SH3PXD2A: variants seen among roughly 807,000 people sequenced by gnomAD.
SH3PXD2A encodes SH3 and PX domains 2A, also known as SH3 and PX domain-containing protein 2A.
A neutral mutation model predicts 115.2 loss-of-function variants in SH3PXD2A; 32 were observed. The observed-to-expected ratio is 0.28, with a 90% CI of 0.21 to 0.37. The LOEUF (loss-of-function observed/expected upper bound fraction) is 0.37, where lower values mean the gene tolerates loss of function less well. Ranked by LOEUF, SH3PXD2A falls within the 10% of genes least tolerant of loss-of-function variation. SH3PXD2A has a pLI of 1.00. For synonymous variants in SH3PXD2A, 610 were observed against 629.1 expected (o/e 0.97, Z 0.45); for missense variants, 1,328 against 1,498.7 (o/e 0.89, Z 1.88).
At chr10:103,639,524 C>T (rs775305250) in intron 8 of SH3PXD2A, among the ~76,000 whole-genome samples, 8 of 149,316 alleles carry the variant, frequency 5.4e-5, no homozygotes, top group South Asian at 2.1e-4. Flanking sequence ...GCAGGAGAAT[C>T]GCTTGAACCT....
At chr10:103,735,510 G>C (rs2038369356) in intron 4 of SH3PXD2A, among the ~76,000 whole-genome samples, 1 of 152,222 alleles carries the variant, frequency 6.6e-6, no homozygotes, top group Non-Finnish European at 1.5e-5. Flanking sequence ...GATATGTCCT[G>C]ACAGGCACAG....
chr10:103,835,327 C>T (rs1469909845), intron 1 of SH3PXD2A, among the ~76,000 whole-genome samples: 4 of 152,252 alleles, frequency 2.6e-5, no homozygotes, highest in Non-Finnish European at 5.9e-5. Context: ...ACTCGGGTGG[C>T]CCCATTGCCT....
At chr10:103,656,326 C>T (rs2037211129) in intron 8 of SH3PXD2A, among the ~76,000 whole-genome samples, 1 of 152,232 alleles carries the variant, frequency 6.6e-6, no homozygotes, top group Non-Finnish European at 1.5e-5. Context: ...TTTGCCAATC[C>T]ATTGCTGGTG....
At chr10:103,736,601 G>A (rs999333414) in intron 3 of SH3PXD2A, among the ~76,000 whole-genome samples, 3 of 152,256 alleles carry the variant, frequency 2.0e-5, no homozygotes, top group African/African-American at 7.2e-5. Context: ...AATGTCTAGG[G>A]CCAAAGCCCC....
chr10:103,648,841 C>T (rs540967237), intron 8 of SH3PXD2A, among the ~76,000 whole-genome samples: 4 of 152,346 alleles, frequency 2.6e-5, no homozygotes, highest in South Asian at 2.1e-4. Context: ...CCCTCGCGTG[C>T]GTGTGCACAC....
At chr10:103,744,242 C>A (rs955962990) in intron 3 of SH3PXD2A, among the ~76,000 whole-genome samples, 4 of 151,882 alleles carry the variant, frequency 2.6e-5, no homozygotes, top group African/African-American at 7.3e-5. Context: ...CAACCTCCAC[C>A]TCCCGGGTTC....
chr10:103,603,242 T>A lies in SH3PXD2A; in HGVS notation c.1976A>T (p.Lys659Ile), dbSNP rs1477794207. Residue 659 changes from lysine (K) to isoleucine (I), a missense_variant, in exon 15 of 15, where the codon AAA becomes ATA. Physicochemically the swap from Lys to Ile is moderately radical, Grantham distance 102. Around this residue, in one of 5 missense-constraint regions of SH3PXD2A, gnomAD observed 574 missense variants for 565.7 expected, o/e 1.01. Coordinates refer to ENST00000369774, the MANE Select transcript of SH3PXD2A (RefSeq NM_001394015.1). ...SLSLTRKNSP[K>I]SGSPKSSSLL... ...TGATGATGACTTGGGGGAGCCTGAT[T>A]TGGGGGAGTTTTTCCTGGTCAGGGA... 3 of 1,613,934 alleles carry A rather than the reference T, an allele frequency of 1.9e-6. No individual in the cohort carries two copies. In the East Asian group the frequency reaches 6.7e-5, roughly 36 times the overall value.
At chr10:103,632,330 G>A (rs2036792957) in intron 8 of SH3PXD2A, among the ~76,000 whole-genome samples, 2 of 152,164 alleles carry the variant, frequency 1.3e-5, no homozygotes, top group African/African-American at 4.8e-5. Flanking sequence ...GAGCCCTTCT[G>A]GGGAGCTGAG....
intron 3 of SH3PXD2A, among the ~76,000 whole-genome samples, chr10:103,766,106 G>A (rs2038751722): frequency 6.6e-6 from 1 of 152,216 alleles, no homozygotes; most frequent in Non-Finnish European, 1.5e-5. Context: ...TTTCAGAGAG[G>A]AGCCGCTCTC....
At chr10:103,664,132 CCAACAG>C (rs1412539166) in intron 7 of SH3PXD2A, among the ~76,000 whole-genome samples, 4 of 152,184 alleles carry the variant, frequency 2.6e-5, no homozygotes. Flanking sequence ...GCCTCTGTGG[CCAACAG>C]CACTTCTTAA....
chr10:103,617,607 G>A (rs1476602558), intron 10 of SH3PXD2A, among the ~76,000 whole-genome samples: 1 of 152,206 alleles, frequency 6.6e-6, no homozygotes, highest in East Asian at 1.9e-4. Context: ...TGATAATGGC[G>A]GCCAGGCTGC....
chr10:103,817,818 C>A (rs2039339378), intron 1 of SH3PXD2A, among the ~76,000 whole-genome samples: 1 of 152,194 alleles, frequency 6.6e-6, no homozygotes, highest in South Asian at 2.1e-4. Context: ...CAGACACAAG[C>A]AACCACACAT....
rs1342501575 is a variant in SH3PXD2A, at chr10:103,603,762, A to AC, written c.1455dup (p.Trp486ValfsTer7). 1 of 1,609,844 alleles carries AC rather than the reference A, an allele frequency of 6.2e-7. No homozygotes were observed. The highest frequency in any genetic ancestry group is 8.5e-7 in the Non-Finnish European group (1 of 1,179,856). On this transcript the variant is annotated frameshift_variant, in exon 15 of 15. Transcript: ENST00000369774. LOFTEE classifies it high-confidence loss of function. Reference sequence around the variant, plus strand: ...TCCTTCTCACCGATCTGCACGTACCACCAGCCACCTGAGTTCTTATCAATG... The same window carrying AC: ...TCCTTCTCACCGATCTGCACGTACCACCCAGCCACCTGAGTTCTTATCAATG...
At chr10:103,722,035 GCT>G (rs1239306961) in intron 5 of SH3PXD2A, among the ~76,000 whole-genome samples, 2 of 151,808 alleles carry the variant, frequency 1.3e-5, no homozygotes, top group Non-Finnish European at 2.9e-5. Flanking sequence ...GGGCGCAGTT[GCT>G]TATGCCTATA....
intron 8 of SH3PXD2A, among the ~76,000 whole-genome samples, chr10:103,648,208 G>C (rs1314268766): frequency 6.6e-6 from 1 of 152,180 alleles, no homozygotes; most frequent in East Asian, 1.9e-4. Flanking sequence ...AAGAAGAAAT[G>C]GGGTAGTAAA....
At chr10:103,646,392 A>G (rs73333329) in intron 8 of SH3PXD2A, among the ~76,000 whole-genome samples, 2,994 of 152,260 alleles carry the variant, frequency 0.02, 96 homozygotes, top group African/African-American at 0.067. Flanking sequence ...CCTAGTCCAG[A>G]TACCCCACAA....
chr10:103,808,244 C>A (rs2039227264), intron 1 of SH3PXD2A, among the ~76,000 whole-genome samples: 1 of 151,740 alleles, frequency 6.6e-6, no homozygotes. Context: ...TGTTAAAGAC[C>A]CCTCTTTTTT....
intron 14 of SH3PXD2A, among the ~76,000 whole-genome samples, chr10:103,604,198 C>T (rs1417247629): frequency 1.3e-5 from 2 of 152,216 alleles, no homozygotes; most frequent in African/African-American, 4.8e-5. Flanking sequence ...GCTAGGTCCT[C>T]CCTTTGAGTT....
At chr10:103,808,924 A>G (rs1340941228) in intron 1 of SH3PXD2A, among the ~76,000 whole-genome samples, 1 of 152,246 alleles carries the variant, frequency 6.6e-6, no homozygotes, top group Non-Finnish European at 1.5e-5. Context: ...GAAATGCCAA[A>G]GAGGTGGCTA....
Sources: gnomAD v4.1 joint callset for allele counts (sites outside exome capture counted in the v4.1 genomes callset) on GRCh38, gnomAD v4.1.1 for gene constraint, gnomAD v4.1.1 regional missense constraint, MANE v1.5 for transcripts, NCBI Gene and HGNC (gene_info 2026-07-23, HGNC 2026-07-21) for gene names.